The following MGMT variants were observed in gnomAD, a reference collection of about 807,000 sequenced individuals.
MGMT encodes the protein methylated-DNA--protein-cysteine methyltransferase.
MGMT carries 14 observed loss-of-function variants against 15.9 expected under a neutral mutation model. The ratio of observed to expected loss-of-function variants is 0.88; its 90% CI spans 0.58 to 1.37. The LOEUF is 1.37. Ranked by LOEUF, MGMT falls within the 40% of genes most tolerant of loss-of-function variation. MGMT has a pLI of 0.00. For synonymous variants in MGMT, 130 were observed against 118.2 expected (o/e 1.10, Z -0.65); for missense variants, 282 against 268.1 (o/e 1.05, Z -0.36).
intron 2 of MGMT, among the ~76,000 whole-genome samples, chr10:129,674,506 A>G (rs1273907632): frequency 6.6e-6 from 1 of 152,244 alleles, no homozygotes; most frequent in Non-Finnish European, 1.5e-5. Flanking sequence ...TAATGGCCAC[A>G]TGGACCCCCT....
chr10:129,476,197 A>G (rs1213066684), intron 1 of MGMT, among the ~76,000 whole-genome samples: 2 of 152,002 alleles, frequency 1.3e-5, no homozygotes, highest in South Asian at 2.1e-4. Context: ...GTATTTTGCC[A>G]TGAGTGTAAT....
chr10:129,707,645 G>C (rs1252343592), intron 2 of MGMT, among the ~76,000 whole-genome samples: 1 of 152,194 alleles, frequency 6.6e-6, no homozygotes, highest in Non-Finnish European at 1.5e-5. Context: ...CTGTCACTTG[G>C]GTTGCCTTGC....
chr10:129,493,203 G>T (rs1289547382), intron 1 of MGMT, among the ~76,000 whole-genome samples: 4 of 152,090 alleles, frequency 2.6e-5, no homozygotes, highest in African/African-American at 9.7e-5. Flanking sequence ...TTGGGTTTCT[G>T]TTGCCTGGAA....
chr10:129,471,766 A>G (rs191467528), intron 1 of MGMT, among the ~76,000 whole-genome samples: 123 of 152,228 alleles, frequency 8.1e-4, no homozygotes, highest in African/African-American at 2.9e-3. Context: ...GAGCACCTCT[A>G]GGGAAGGCCT....
At chr10:129,643,758 T>C (rs1847355137) in intron 2 of MGMT, among the ~76,000 whole-genome samples, 1 of 152,236 alleles carries the variant, frequency 6.6e-6, no homozygotes, top group Non-Finnish European at 1.5e-5. Flanking sequence ...GTCCTCTCTT[T>C]GGTCTTAACA....
chr10:129,527,503 G>T (rs2119740324), intron 1 of MGMT, among the ~76,000 whole-genome samples: 1 of 152,276 alleles, frequency 6.6e-6, no homozygotes, highest in East Asian at 1.9e-4. Flanking sequence ...GGGAAGGCGG[G>T]CCGGGAATTC....
intron 2 of MGMT, among the ~76,000 whole-genome samples, chr10:129,559,577 C>T (rs1193930993): frequency 2.0e-5 from 3 of 151,884 alleles, no homozygotes; most frequent in Admixed American, 6.6e-5. Context: ...CATGTACTCC[C>T]GCTGTAAGGT....
chr10:129,620,291 C>T (rs1432805165), intron 2 of MGMT, among the ~76,000 whole-genome samples: 1 of 152,188 alleles, frequency 6.6e-6, no homozygotes, highest in Non-Finnish European at 1.5e-5. Flanking sequence ...GTTCCATGTG[C>T]ATTTGCGAGA....
At chr10:129,717,561 A>G (rs1564772424) in intron 3 of MGMT, 2 of 152,216 alleles carry the variant, frequency 1.3e-5, no homozygotes, top group Non-Finnish European at 2.9e-5. Flanking sequence ...TTTCATTTTA[A>G]TGGCAAAGAC....
chr10:129,649,612 T>G (rs891696971), intron 2 of MGMT, among the ~76,000 whole-genome samples: 4 of 152,310 alleles, frequency 2.6e-5, no homozygotes, highest in Middle Eastern at 6.8e-3. Context: ...AAGCTGAATC[T>G]CCTCAGGTTG....
At chr10:129,581,209 G>A (rs1037810811) in intron 2 of MGMT, among the ~76,000 whole-genome samples, 1 of 152,204 alleles carries the variant, frequency 6.6e-6, no homozygotes, top group Non-Finnish European at 1.5e-5. Context: ...GCCTGGCATT[G>A]TGGTGGATGC....
chr10:129,547,745 C>T (rs186244373), intron 2 of MGMT, among the ~76,000 whole-genome samples: 120 of 152,312 alleles, frequency 7.9e-4, no homozygotes, highest in African/African-American at 2.8e-3. Flanking sequence ...GCATTCTCTT[C>T]GAGTAACACT....
intron 1 of MGMT, among the ~76,000 whole-genome samples, chr10:129,520,411 A>G (rs1052642502): frequency 3.0e-5 from 4 of 133,716 alleles, no homozygotes; most frequent in Admixed American, 7.7e-5. Context: ...CTCCTTGTCT[A>G]CTCCTACCGT....
intron 3 of MGMT, among the ~76,000 whole-genome samples, chr10:129,719,650 C>A (rs1237419199): frequency 6.6e-6 from 1 of 152,134 alleles, no homozygotes; most frequent in Non-Finnish European, 1.5e-5. Flanking sequence ...TAGAAGGACA[C>A]CAGTCAGATG....
intron 1 of MGMT, among the ~76,000 whole-genome samples, chr10:129,526,457 A>G (rs941470292): frequency 1.1e-4 from 16 of 152,234 alleles, no homozygotes; most frequent in Admixed American, 2.0e-4. Flanking sequence ...AGCCCAGGCC[A>G]CAAGGGACCT....
At chr10:129,664,793 G>A (rs924265674) in intron 2 of MGMT, among the ~76,000 whole-genome samples, 1 of 152,110 alleles carries the variant, frequency 6.6e-6, no homozygotes, top group Non-Finnish European at 1.5e-5. Context: ...CAAAACATTG[G>A]AACAGGCACT....
chr10:129,520,667 G>T (rs544526114), intron 1 of MGMT, among the ~76,000 whole-genome samples: 3 of 151,108 alleles, frequency 2.0e-5, no homozygotes. Context: ...TACAGTGTAT[G>T]TGCAGAGCCC....
chr10:129,643,563 G>A (rs77988106), intron 2 of MGMT, among the ~76,000 whole-genome samples: 7,583 of 152,192 alleles, frequency 0.05, 623 homozygotes, highest in African/African-American at 0.17. Context: ...TTCCAGCGGG[G>A]CGGGACAAGG....
intron 1 of MGMT, among the ~76,000 whole-genome samples, chr10:129,510,728 C>G (rs1845672379): frequency 6.6e-6 from 1 of 152,138 alleles, no homozygotes; most frequent in African/African-American, 2.4e-5. Context: ...AACCAGTATA[C>G]CAGATGCAGG....
Sources: gnomAD v4.1 joint callset for allele counts (sites outside exome capture counted in the v4.1 genomes callset) on GRCh38, gnomAD v4.1.1 for gene constraint, MANE v1.5 for transcripts, NCBI Gene and HGNC (gene_info 2026-07-23, HGNC 2026-07-21) for gene names.